The following PDE1A variants were observed in gnomAD, a reference collection of about 807,000 sequenced individuals.
The protein encoded by PDE1A is phosphodiesterase 1A.
Under a neutral mutation model 61.7 loss-of-function variants are expected in PDE1A, and 35 were observed. The observed-to-expected ratio is 0.57, with a 90% CI of 0.43 to 0.75. The LOEUF (loss-of-function observed/expected upper bound fraction) is 0.75. PDE1A is among the 30% of genes least tolerant of loss of function. The probability of loss-of-function intolerance (pLI) is 0.00; values close to 1 mark genes in which losing one functional copy is unlikely to be tolerated. For missense variants in PDE1A, 597 were observed against 630.6 expected, an observed-to-expected ratio of 0.95 and a Z score of 0.57; for synonymous variants, 232 against 213.2, an observed-to-expected ratio of 1.09 and a Z score of -0.77.
intron 13 of PDE1A, among the ~76,000 whole-genome samples, chr2:182,155,962 C>T (rs934570954): frequency 6.6e-6 from 1 of 152,076 alleles, no homozygotes; most frequent in African/African-American, 2.4e-5. Flanking sequence ...GTTGCAGTTT[C>T]TCCCATGCTG....
chr2:182,238,401 C>T (rs1454099468), intron 3 of PDE1A, among the ~76,000 whole-genome samples: 2 of 151,838 alleles, frequency 1.3e-5, no homozygotes, highest in Non-Finnish European at 2.9e-5. Context: ...AAGTTACTGT[C>T]GTATTTCTGA....
chr2:182,579,553 C>T, the PDE1A span, among the ~76,000 whole-genome samples: 2 of 152,150 alleles, frequency 1.3e-5, no homozygotes, highest in Non-Finnish European at 2.9e-5. Flanking sequence ...TTTCAGTTCT[C>T]CCCAAGTGGC....
chr2:182,519,178 C>G (rs1456467539), intron 2 of PDE1A, among the ~76,000 whole-genome samples: 5 of 152,082 alleles, frequency 3.3e-5, no homozygotes, highest in Non-Finnish European at 7.4e-5. Flanking sequence ...GTCCCAAATT[C>G]ATAAGAAACT....
At chr2:182,605,680 G>A in the PDE1A span, among the ~76,000 whole-genome samples, 1 of 152,202 alleles carries the variant, frequency 6.6e-6, no homozygotes, top group African/African-American at 2.4e-5. Flanking sequence ...TTGATCCAGA[G>A]TAAAGGGAGA....
chr2:182,385,659 G>GAAAGAAAGAAAGAAAGA (rs748519072), intron 1 of PDE1A, among the ~76,000 whole-genome samples: 1 of 95,088 alleles, frequency 1.1e-5, no homozygotes, highest in African/African-American at 4.6e-5. Flanking sequence ...AAGAAAGAAA[G>GAAAGAAAGAAAGAAAGA]AAGAAAAAAA....
At chr2:182,247,467 A>G (rs1427607516) in intron 2 of PDE1A, among the ~76,000 whole-genome samples, 1 of 152,220 alleles carries the variant, frequency 6.6e-6, no homozygotes, top group Non-Finnish European at 1.5e-5. Context: ...AAATTTGAAT[A>G]AATTTTGAAA....
At chr2:182,325,861 G>A (rs140297066) in intron 1 of PDE1A, among the ~76,000 whole-genome samples, 1 of 152,176 alleles carries the variant, frequency 6.6e-6, no homozygotes, top group African/African-American at 2.4e-5. Flanking sequence ...AGAGATTGCA[G>A]TGAGTTGAGA....
At chr2:182,392,502 A>G (rs1458668696) in intron 1 of PDE1A, among the ~76,000 whole-genome samples, 4 of 152,192 alleles carry the variant, frequency 2.6e-5, no homozygotes, top group South Asian at 2.1e-4. Context: ...CCCAAATCTC[A>G]TGTCCTCACA....
At chr2:182,402,942 T>C (rs1441579080) in intron 1 of PDE1A, among the ~76,000 whole-genome samples, 2 of 152,160 alleles carry the variant, frequency 1.3e-5, no homozygotes, top group African/African-American at 4.8e-5. Flanking sequence ...TCACTGGTCA[T>C]TAGAGAAATG....
chr2:182,386,652 C>T (rs888374590), intron 1 of PDE1A, among the ~76,000 whole-genome samples: 4 of 151,702 alleles, frequency 2.6e-5, no homozygotes, highest in Admixed American at 2.6e-4. Flanking sequence ...CGCCCGGCAG[C>T]CGCCCCATCT....
chr2:182,627,471 A>T, the PDE1A span, among the ~76,000 whole-genome samples: 3 of 143,162 alleles, frequency 2.1e-5, no homozygotes, highest in Admixed American at 7.6e-5. Flanking sequence ...TCATTGAGTC[A>T]CTTTCAGTGC....
chr2:182,375,476 T>C (rs1261211153), intron 1 of PDE1A, among the ~76,000 whole-genome samples: 2 of 152,238 alleles, frequency 1.3e-5, no homozygotes, highest in Non-Finnish European at 2.9e-5. Flanking sequence ...AGGTCTTACA[T>C]CCAGGTCACA....
the PDE1A span, among the ~76,000 whole-genome samples, chr2:182,583,261 A>G: frequency 6.6e-6 from 1 of 152,232 alleles, no homozygotes; most frequent in African/African-American, 2.4e-5. Flanking sequence ...GAACAGCAAA[A>G]TATCTATAAT....
At chr2:182,628,887 T>G in the PDE1A span, among the ~76,000 whole-genome samples, 1 of 152,190 alleles carries the variant, frequency 6.6e-6, no homozygotes, top group Non-Finnish European at 1.5e-5. Flanking sequence ...AACTTTCTTC[T>G]AGCCAACAGA....
intron 7 of PDE1A, among the ~76,000 whole-genome samples, chr2:182,221,040 AC>A (rs1007356437): frequency 2.6e-5 from 4 of 152,022 alleles, no homozygotes; most frequent in Non-Finnish European, 5.9e-5. Context: ...ATTGAAAAAA[AC>A]ATGATTCTTC....
chr2:182,627,194 T>TATATTATTTATATATAAAATATAAATAA, the PDE1A span, among the ~76,000 whole-genome samples: 2 of 15,784 alleles, frequency 1.3e-4, no homozygotes, highest in African/African-American at 1.9e-4. Context: ...AATATAAATA[T>TATATTATTTATATATAAAATATAAATAA]TATATTATTT....
At chr2:182,152,514 A>G in intron 13 of PDE1A, among the ~76,000 whole-genome samples, 1 of 135,310 alleles carries the variant, frequency 7.4e-6, no homozygotes, top group Non-Finnish European at 1.5e-5. Flanking sequence ...TCTGCCTCCC[A>G]GGTTCAAGTG....
At chr2:182,140,241 T>A (rs1690171364) in exon 15 of PDE1A, 1 of 151,812 alleles carries the variant, frequency 6.6e-6, no homozygotes, top group Admixed American at 6.6e-5. Context: ...TTATAAGACT[T>A]GAAATTTCTA....
At chr2:182,460,806 T>C (rs967393943) in intron 2 of PDE1A, among the ~76,000 whole-genome samples, 2 of 152,212 alleles carry the variant, frequency 1.3e-5, no homozygotes, top group South Asian at 2.1e-4. Flanking sequence ...GAGAATGTTA[T>C]CATTTTATTA....
Sources: gnomAD v4.1 joint callset for allele counts (sites outside exome capture counted in the v4.1 genomes callset) on GRCh38, gnomAD v4.1.1 for gene constraint, MANE v1.5 for transcripts, NCBI Gene and HGNC (gene_info 2026-07-23, HGNC 2026-07-21) for gene names.